Variants in MAN1A1 observed in about 807,000 individuals in gnomAD.
The protein encoded by MAN1A1 is mannosidase alpha class 1A member 1.
In MAN1A1, 29 loss-of-function variants were observed where a neutral mutation model predicts 70.8. That is an observed-to-expected ratio of 0.41 (90% confidence interval 0.31 to 0.56). MAN1A1 has a LOEUF of 0.56. Ranked by LOEUF, MAN1A1 falls within the 20% of genes least tolerant of loss-of-function variation. MAN1A1 has a pLI of 0.29. For synonymous variants in MAN1A1, 349 were observed against 330.1 expected (o/e 1.06, Z -0.62); for missense variants, 747 against 841.3 (o/e 0.89, Z 1.39).
At chr6:119,295,716 C>T (rs1022956689) in intron 4 of MAN1A1, among the ~76,000 whole-genome samples, 9 of 152,142 alleles carry the variant, frequency 5.9e-5, no homozygotes, top group African/African-American at 1.9e-4. Flanking sequence ...TCAGAGACTA[C>T]TCTTTTGCTA....
chr6:119,280,060 G>T (rs9489659), intron 5 of MAN1A1, among the ~76,000 whole-genome samples: 3 of 152,128 alleles, frequency 2.0e-5, no homozygotes, highest in African/African-American at 7.2e-5. Flanking sequence ...CCCAGACCAC[G>T]ACTTCTGAGT....
chr6:119,227,959 A>T lies in MAN1A1; in HGVS notation c.992+20301T>A, dbSNP rs142067034. Among the ~76,000 whole-genome samples the T allele has an allele frequency of 2.4e-3, 362 of 152,334 alleles. 3 individuals carry two copies. The highest frequency in any genetic ancestry group is 0.02 in the Admixed American group (309 of 15,298). ...CTATATATAGAGAAATACATCTGCAATAATATTTCATTGCTCTGTTCATTG... is the reference window on the plus strand; with the variant it reads ...CTATATATAGAGAAATACATCTGCATTAATATTTCATTGCTCTGTTCATTG... On this transcript the variant is annotated intron_variant, in intron 6 of 12. Transcript: ENST00000368468.
chr6:119,298,329 A>G (rs1772278201), intron 4 of MAN1A1, among the ~76,000 whole-genome samples: 1 of 152,174 alleles, frequency 6.6e-6, no homozygotes, highest in Non-Finnish European at 1.5e-5. Context: ...AGTCATTTGA[A>G]CTTTGTGCTA....
intron 4 of MAN1A1, among the ~76,000 whole-genome samples, chr6:119,292,492 C>G (rs968958717): frequency 6.6e-5 from 10 of 151,948 alleles, no homozygotes; most frequent in African/African-American, 1.7e-4. Flanking sequence ...ATAAGGTCCT[C>G]AAGCTCACTT....
intron 5 of MAN1A1, among the ~76,000 whole-genome samples, chr6:119,257,704 T>TA (rs2114345313): frequency 6.6e-6 from 1 of 152,108 alleles, no homozygotes; most frequent in East Asian, 1.9e-4. Flanking sequence ...ATATGGAAGT[T>TA]AAAAAAGGGA....
At position 119,276,030 on chromosome 6, in the gene MAN1A1, T is replaced by G. The variant is rs376375430; in HGVS notation, c.897+14653A>C. On this transcript the variant is annotated intron_variant, in intron 5 of 12. Transcript: ENST00000368468. ...CACACAATAAACCATAAAAAAAGTT[T>G]TATCACCATTGCTGCCCTCCTTCTC... 3.0e-4 allele frequency among the ~76,000 whole-genome samples: 45 copies of G among 152,292 alleles called. No individual in the cohort carries two copies. In the South Asian group the frequency reaches 6.6e-3, roughly 22 times the overall value.
chr6:119,300,550 G>A (rs924748238), intron 4 of MAN1A1, among the ~76,000 whole-genome samples: 2 of 151,980 alleles, frequency 1.3e-5, no homozygotes, highest in African/African-American at 2.4e-5. Flanking sequence ...CACCACGCCC[G>A]GTCCACAGAA....
At chr6:119,181,451 G>GTT (rs35283286) in intron 11 of MAN1A1, among the ~76,000 whole-genome samples, 368 of 146,908 alleles carry the variant, frequency 2.5e-3, no homozygotes, top group East Asian at 4.0e-3. Context: ...TAAAATACAT[G>GTT]TTTTTTTTTT....
intron 2 of MAN1A1, among the ~76,000 whole-genome samples, chr6:119,337,563 C>T (rs12201828): frequency 0.075 from 11,441 of 152,240 alleles, 570 homozygotes; most frequent in Non-Finnish European, 0.11. Flanking sequence ...CGGACGACTG[C>T]AAAGAGCCAA....
intron 5 of MAN1A1, among the ~76,000 whole-genome samples, chr6:119,262,503 A>G (rs1479541372): frequency 6.6e-6 from 1 of 152,022 alleles, no homozygotes; most frequent in Non-Finnish European, 1.5e-5. Flanking sequence ...GGTTGTGGAG[A>G]AAAAGGAATA....
intron 5 of MAN1A1, among the ~76,000 whole-genome samples, chr6:119,261,223 C>T (rs1177406522): frequency 2.0e-5 from 3 of 152,070 alleles, no homozygotes; most frequent in Non-Finnish European, 4.4e-5. Context: ...TCGTGATCCA[C>T]CCGCCTCCAC....
At chr6:119,273,493 C>A (rs578201995) in intron 5 of MAN1A1, among the ~76,000 whole-genome samples, 1 of 152,114 alleles carries the variant, frequency 6.6e-6, no homozygotes, top group Non-Finnish European at 1.5e-5. Flanking sequence ...CCATGATCTG[C>A]TGCACTCCCT....
At chr6:119,264,682 A>C (rs1775700150) in intron 5 of MAN1A1, among the ~76,000 whole-genome samples, 1 of 152,234 alleles carries the variant, frequency 6.6e-6, no homozygotes, top group Non-Finnish European at 1.5e-5. Context: ...TATGAGGCCA[A>C]GAATGAACCT....
intron 6 of MAN1A1, among the ~76,000 whole-genome samples, chr6:119,215,882 T>C (rs900850436): frequency 4.6e-5 from 7 of 152,218 alleles, no homozygotes; most frequent in Non-Finnish European, 7.3e-5. Context: ...GTTGATGTGA[T>C]GGAGTCTGAT....
intron 6 of MAN1A1, among the ~76,000 whole-genome samples, chr6:119,247,634 ATG>A (rs149697960): frequency 2.6e-5 from 4 of 151,424 alleles, no homozygotes; most frequent in African/African-American, 7.3e-5. Context: ...TCAGCCTGGG[ATG>A]TGTGTGTGTG....
rs553483348 is a variant in MAN1A1 at position 119,183,481 on chromosome 6, A to G, written c.1720-3054T>C. Among the ~76,000 whole-genome samples, 48 of 152,304 alleles carry G rather than the reference A, an allele frequency of 3.2e-4. No homozygotes were observed. In the South Asian group the frequency reaches 7.7e-3, roughly 24 times the overall value. On this transcript the variant is annotated intron_variant, in intron 11 of 12. Transcript: ENST00000368468. The stretch of plus-strand genomic sequence containing the variant: ...ATTATTGGTTAAAAAAAGGAAAAAA[A>G]TCAGAATTTAGAAAAAATGGGCAAG...
chr6:119,348,817 G>A lies in MAN1A1; in HGVS notation c.249C>T (p.Ala83=). 1 of 1,458,518 alleles carries A rather than the reference G, an allele frequency of 6.9e-7. No individual in the cohort carries two copies. The highest frequency in any genetic ancestry group is 9.1e-7 in the Non-Finnish European group (1 of 1,101,042). The allele number at this position is 1,458,518 out of a possible 1,614,324, so 90.3% of individuals were successfully genotyped here. The change falls in exon 2 of 13, where the codon GCC becomes GCT. Residue 83 remains alanine, a synonymous_variant. Transcript: ENST00000368468. ...CCCCGGGCCCGGGCTTGTGGTCGGC[G>A]GCCGGCTGCAAGGCGGGGCTGGAGT... The part of the protein sequence containing the change: ...LFHSSPALQP[A]ADHKPGPGAR...
At chr6:119,210,704 T>C (rs1374615448) in intron 6 of MAN1A1, among the ~76,000 whole-genome samples, 1 of 151,754 alleles carries the variant, frequency 6.6e-6, no homozygotes, top group East Asian at 1.9e-4. Context: ...TGTTTATGAA[T>C]CATTTCTTTT....
chr6:119,283,930 G>A (rs1304626375), intron 5 of MAN1A1, among the ~76,000 whole-genome samples: 1 of 152,114 alleles, frequency 6.6e-6, no homozygotes, highest in Non-Finnish European at 1.5e-5. Flanking sequence ...GAGGGGAGAC[G>A]CTGGCAGTAC....
Sources: allele counts gnomAD v4.1 joint callset (sites outside exome capture counted in the v4.1 genomes callset), GRCh38; gene constraint gnomAD v4.1.1; transcripts MANE v1.5; gene names NCBI Gene and HGNC (gene_info 2026-07-23, HGNC 2026-07-21).